Variants in FHAD1 observed in about 807,000 individuals in gnomAD.
The protein encoded by FHAD1 is forkhead-associated domain-containing protein 1.
FHAD1 carries 146 observed loss-of-function variants against 191.3 expected under a neutral mutation model. That is an observed-to-expected ratio of 0.76 (90% CI 0.67 to 0.88). The LOEUF (loss-of-function observed/expected upper bound fraction) is 0.88. FHAD1 is among the 40% of genes least tolerant of loss of function. The probability of loss-of-function intolerance (pLI) is 0.00; values close to 1 mark genes in which losing one functional copy is unlikely to be tolerated. For synonymous variants in FHAD1, 616 were observed against 672.3 expected, an observed-to-expected ratio of 0.92 and a Z score of 1.29; for missense variants, 1,635 against 1,785.8, an observed-to-expected ratio of 0.92 and a Z score of 1.52.
rs544728841 is a variant in FHAD1 at position 15,327,440 on chromosome 1, G to A, written c.1557+298G>A. 9 of 294,214 alleles carry A rather than the reference G, an allele frequency of 3.1e-5. No individual in the cohort carries two copies. Among genetic ancestry groups the A allele is most frequent in the Admixed American group, 5.0e-5 (1 of 19,946 alleles). 18.2% of individuals were successfully genotyped at this position (294,214 alleles called of 1,614,324 possible). ...CATTAGCACTGGGAGAAAGGGAGCC[G>A]CCTCCCCACAGCCAGTGCGTTCTGG... On this transcript the variant is annotated intron_variant, in intron 12 of 33. Coordinates refer to ENST00000688493, the MANE Select transcript of FHAD1 (RefSeq NM_001391957.1). The surrounding 1 kb of genome is among the most constrained non-coding windows in gnomAD (Gnocchi z 5.1).
In FHAD1 at chr1:15,311,133, C is replaced by T. The variant is rs1225270654; in HGVS notation, c.1040-1924C>T. ...TGCGCTGGAGAGAGTTTCCAGACCA[C>T]AGCAGGGAGGGGAAGCCAGACAGAG... On this transcript the variant is annotated intron_variant, in intron 7 of 33. Transcript: ENST00000688493. This position sits in a 1 kb window ranked among gnomAD's most constrained non-coding sequence, Gnocchi z 4.1. Among the ~76,000 whole-genome samples, 2 of 152,178 alleles carry T rather than the reference C, an allele frequency of 1.3e-5. No individual in the cohort carries two copies. The highest frequency in any genetic ancestry group is 6.5e-5 in the Admixed American group (1 of 15,276).
downstream of FHAD1, among the ~76,000 whole-genome samples, chr1:15,401,231 G>T (rs2473343): frequency 5.1e-4 from 78 of 152,326 alleles, 1 homozygote; most frequent in African/African-American, 1.7e-3. Context: ...GAAGAGTCAG[G>T]CTTGGACATC....
chr1:15,291,003 T>C (rs1019294768), intron 4 of FHAD1, among the ~76,000 whole-genome samples: 19 of 151,046 alleles, frequency 1.3e-4, no homozygotes, highest in Admixed American at 4.6e-4. Context: ...CATGAGCCAC[T>C]GCGCCCAGCC....
intron 6 of FHAD1, chr1:15,305,793 C>T: frequency 2.2e-6 from 1 of 446,992 alleles, no homozygotes. Context: ...CACCATGATT[C>T]TGAGGCCTCC....
intron 10 of FHAD1, among the ~76,000 whole-genome samples, chr1:15,323,748 G>A (rs547884383): frequency 2.0e-4 from 30 of 152,264 alleles, no homozygotes; most frequent in Non-Finnish European, 4.1e-4. Context: ...ACACGCCCAA[G>A]CTCACCTCGA....
At position 15,316,689 on chromosome 1, in the gene FHAD1, G is replaced by A. The variant is rs983217659; in HGVS notation, c.1260+222G>A. On this transcript the variant is annotated intron_variant, in intron 9 of 33. Transcript: ENST00000688493. The surrounding 1 kb of genome is among the most constrained non-coding windows in gnomAD (Gnocchi z 4.3). ...GGCAGTTGGCTCTAGCTCCCTCAAG[G>A]GTTTCCCCTGGGGCCAGGTTGGGGT... Among the ~76,000 whole-genome samples the A allele has an allele frequency of 6.6e-6, 1 of 152,182 alleles. No individual in the cohort carries two copies. Among genetic ancestry groups the A allele is most frequent in the African/African-American group, 2.4e-5 (1 of 41,436 alleles).
chr1:15,322,217 G>C lies in FHAD1; in HGVS notation c.1366-2235G>C, dbSNP rs187056386. Reference sequence around the variant, plus strand: ...TGGGCTGTGTACTACCTAGGCAGTGGGGAGCTACTGAGGCTCTTGAACAGG... The same window carrying C: ...TGGGCTGTGTACTACCTAGGCAGTGCGGAGCTACTGAGGCTCTTGAACAGG... On this transcript the variant is annotated intron_variant, in intron 10 of 33. Transcript: ENST00000688493. Among the ~76,000 whole-genome samples, 624 of 152,194 alleles carry C rather than the reference G, an allele frequency of 4.1e-3. 2 individuals carry two copies. Among genetic ancestry groups the C allele is most frequent in the Middle Eastern group, 6.8e-3 (2 of 294 alleles).
At chr1:15,330,002 A>G (rs1680557197) in intron 14 of FHAD1, 1 of 156,048 alleles carries the variant, frequency 6.4e-6, no homozygotes, top group Admixed American at 6.3e-5. Flanking sequence ...CTGGCACACA[A>G]TAGGCATTAC....
chr1:15,272,266 T>G, intron 2 of FHAD1, 57 bp from the exon 3 acceptor site: 1 of 1,484,476 alleles, frequency 6.7e-7, no homozygotes, highest in African/African-American at 1.4e-5. Context: ...CTCAAAACAT[T>G]AGGGGCCGTG....
chr1:15,286,414 G>T (rs895641887), intron 3 of FHAD1, among the ~76,000 whole-genome samples: 2 of 152,196 alleles, frequency 1.3e-5, no homozygotes, highest in Non-Finnish European at 2.9e-5. Flanking sequence ...GAGGCAGGAG[G>T]ATCACCTGAG....
Position 15,349,083 on chromosome 1 carries a change from G to T in FHAD1, c.2388G>T (p.Lys796Asn). The T allele has an allele frequency of 6.4e-7, 1 of 1,551,604 alleles. No individual in the cohort carries two copies. Among genetic ancestry groups the T allele is most frequent in the Non-Finnish European group, 8.7e-7 (1 of 1,146,956 alleles). Residue 796 changes from lysine (K) to asparagine (N), a missense_variant, in exon 19 of 34, where the codon AAG becomes AAT. Lys to Asn is a moderately conservative substitution (Grantham distance 94). Coordinates refer to ENST00000688493, the MANE Select transcript of FHAD1 (RefSeq NM_001391957.1). Reference protein sequence around the residue: ...SSIAHEKRKAKEALESEKRKV... With the variant: ...SSIAHEKRKANEALESEKRKV... ...TAGCCCATGAAAAAAGAAAAGCAAA[G>T]GAAGCCTTGGAGTCGGAAAAGAGAA...
intron 2 of FHAD1, among the ~76,000 whole-genome samples, chr1:15,255,748 C>G (rs1471846380): frequency 3.3e-5 from 5 of 152,182 alleles, no homozygotes; most frequent in Non-Finnish European, 5.9e-5. Flanking sequence ...GGAGAAGGAA[C>G]AGTGTGTGCA....
intron 10 of FHAD1, among the ~76,000 whole-genome samples, chr1:15,321,080 G>A (rs1035964231): frequency 4.6e-5 from 7 of 152,122 alleles, no homozygotes; most frequent in Admixed American, 1.3e-4. Context: ...GACTACAGGT[G>A]TACACCACCA....
chr1:15,255,331 ATTG>A lies in FHAD1; in HGVS notation c.93+3457_93+3459del, dbSNP rs1373712520. Among the ~76,000 whole-genome samples the A allele has an allele frequency of 5.9e-5, 9 of 152,300 alleles. 1 individual carries two copies. The South Asian group carries it at 1.9e-3, about 32-fold the overall frequency. On this transcript the variant is annotated intron_variant, in intron 2 of 33. Transcript: ENST00000688493. The stretch of plus-strand genomic sequence containing the variant: ...GATAATGGAAGGTAATTATGGGCCT[ATTG>A]TTTTTTAAAAAATTGGGAGAAAGCA...
intron 3 of FHAD1, among the ~76,000 whole-genome samples, chr1:15,278,748 A>T (rs1349030374): frequency 6.6e-6 from 1 of 152,096 alleles, no homozygotes; most frequent in East Asian, 1.9e-4. Context: ...TGCTGGGATT[A>T]CCCGCCTTCA....
intron 3 of FHAD1, among the ~76,000 whole-genome samples, chr1:15,285,195 A>G (rs2100402972): frequency 6.6e-6 from 1 of 152,340 alleles, no homozygotes; most frequent in East Asian, 1.9e-4. Flanking sequence ...GAAGACTGAC[A>G]TTAACCTTCC....
At chr1:15,272,648 A>T in intron 3 of FHAD1, 119 bp downstream of exon 3, 1 of 908,724 alleles carries the variant, frequency 1.1e-6, no homozygotes, top group Non-Finnish European at 1.7e-6. Context: ...CACGCTGCAC[A>T]CAGGCAGCAG....
At chr1:15,345,599 T>C (rs1157721808) in intron 18 of FHAD1, 76 bp downstream of exon 18, 11 of 1,157,268 alleles carry the variant, frequency 9.5e-6, no homozygotes, top group Non-Finnish European at 1.3e-5. Flanking sequence ...AGAGCGGCGA[T>C]GATGGGGGTG....
intron 28 of FHAD1, among the ~76,000 whole-genome samples, chr1:15,380,428 A>G (rs904334947): frequency 5.3e-5 from 8 of 152,290 alleles, no homozygotes; most frequent in African/African-American, 1.9e-4. Context: ...CCAATTGAGA[A>G]CCACTGTTCT....
Sources: gnomAD v4.1 joint callset for allele counts (sites outside exome capture counted in the v4.1 genomes callset) on GRCh38, gnomAD v4.1.1 for gene constraint, Gnocchi (gnomAD v3.1) non-coding constraint, MANE v1.5 for transcripts, NCBI Gene and HGNC (gene_info 2026-07-23, HGNC 2026-07-21) for gene names.